SCRIB: variants seen among roughly 807,000 people sequenced by gnomAD.
The protein encoded by SCRIB is scribble planar cell polarity protein.
Under a neutral mutation model 170.0 loss-of-function variants are expected in SCRIB, and 72 were observed. That is an observed-to-expected ratio of 0.42 (90% CI 0.35 to 0.52). The LOEUF (loss-of-function observed/expected upper bound fraction) is 0.52, where lower values mean the gene tolerates loss of function less well. SCRIB is among the 20% of genes least tolerant of loss of function. The probability of loss-of-function intolerance (pLI) is 0.02; values close to 1 mark genes in which losing one functional copy is unlikely to be tolerated. For synonymous variants in SCRIB, 1,298 were observed against 1,044.3 expected (o/e 1.24, Z -4.68); for missense variants, 2,475 against 2,338.5 (o/e 1.06, Z -1.20).
intron 17 of SCRIB, 148 bp downstream of exon 17, chr8:143,806,776 G>A (rs1371911080): frequency 4.4e-5 from 29 of 662,958 alleles, no homozygotes; most frequent in Non-Finnish European, 6.6e-5. Context: ...CTTGGACTTC[G>A]GGATCCCACA....
chr8:143,812,998 C>G, intron 7 of SCRIB, 32 bp downstream of exon 7: 21 of 1,610,574 alleles, frequency 1.3e-5, no homozygotes, highest in Non-Finnish European at 1.7e-5. Context: ...CGGATGGGCA[C>G]GAAGCAGGGG....
In SCRIB at chr8:143,791,549, A is replaced by AG. The variant is rs71318627; in HGVS notation, c.4771-110dup. 2.0e-4 allele frequency: 317 copies of AG among 1,556,568 alleles called. 1 individual carries two copies. Among genetic ancestry groups the AG allele is most frequent in the Middle Eastern group, 8.6e-4 (5 of 5,812 alleles). On this transcript the variant is annotated intron_variant, in intron 35 of 36. Transcript: ENST00000356994. ...GCCCACAGAGCCCGGCTGAAGGGGG[A>AG]GGGGGGGTGAAGAGGCAGGGCCACG...
intron 14 of SCRIB, 85 bp from the exon 15 acceptor site, chr8:143,809,110 CG>C (rs1815580236): frequency 1.4e-6 from 2 of 1,475,552 alleles, no homozygotes; most frequent in Admixed American, 2.3e-5. Context: ...TGGCCACAGA[CG>C]GGCTCCGAAA....
chr8:143,811,437 G>A (rs1458166888), intron 9 of SCRIB, 92 bp from the exon 10 acceptor site: 1 of 1,175,722 alleles, frequency 8.5e-7, no homozygotes, highest in Non-Finnish European at 1.2e-6. Flanking sequence ...AGACACCCCA[G>A]GCCAGCTCCA....
intron 24 of SCRIB, among the ~76,000 whole-genome samples, chr8:143,799,905 G>C (rs530185428): frequency 6.6e-6 from 1 of 152,096 alleles, no homozygotes; most frequent in East Asian, 1.9e-4. Flanking sequence ...AGATGGGCTC[G>C]CACAGTGAGA....
intron 4 of SCRIB, 35 bp from the exon 5 acceptor site, chr8:143,813,561 G>C: frequency 6.2e-7 from 1 of 1,613,152 alleles, no homozygotes; most frequent in Non-Finnish European, 8.5e-7. Context: ...GCAAGAGGAA[G>C]GAAAGCAGTG....
In SCRIB at chr8:143,803,443, G is replaced by A. The variant is rs536818456; in HGVS notation, c.3543C>T (p.Gly1181=). Residue 1181 remains glycine, a synonymous_variant, in exon 24 of 37, where the codon GGC becomes GGT. Coordinates refer to ENST00000356994, the MANE Select transcript of SCRIB (RefSeq NM_182706.5). ...GEAVQLLRSV[G]DTLTVLVCDG... ...CACAGACCAGCACGGTGAGGGTGTC[G>A]CCCACACTGCGGAGCAGCTGCACCG... 114 of 1,596,756 alleles carry A rather than the reference G, an allele frequency of 7.1e-5. 1 individual carries two copies. The highest frequency in any genetic ancestry group is 1.9e-4 in the South Asian group (17 of 90,248).
Position 143,806,990 on chromosome 8 carries a change from C to G in SCRIB, c.2202G>C (p.Gln734His), listed in dbSNP as rs1815457227. Residue 734 changes from glutamine (Q) to histidine (H), a missense_variant, in exon 17 of 37, where the codon CAG becomes CAC. By Grantham distance (24) the Gln-to-His change is conservative. This residue lies in a region of SCRIB where 1,966 missense variants were observed against 1,742.9 expected (regional missense o/e 1.13). Transcript: ENST00000356994. ...CAATGCTGATGCCCAGGCCCCCAGT[C>G]TGCCGCAGGATAGTGAGGGTCAGCT... ...EEELTLTILR[Q>H]TGGLGISIAG... 2 of 1,613,146 alleles carry G rather than the reference C, an allele frequency of 1.2e-6. No homozygotes were observed. The highest frequency in any genetic ancestry group is 3.3e-5 in the Admixed American group (2 of 59,950).
In SCRIB at chr8:143,804,109, G is replaced by A. The variant is rs782071220; in HGVS notation, c.3057C>T (p.Val1019=). Residue 1019 remains valine, a synonymous_variant, in exon 22 of 37, where the codon GTC becomes GTT. Transcript: ENST00000356994. ...GGTGGCTGGAATGGTCGGAGCCTCCGACAATACTAAGCCCCAGAGGGCCCC... is the reference window on the plus strand; with the variant it reads ...GGTGGCTGGAATGGTCGGAGCCTCCAACAATACTAAGCCCCAGAGGGCCCC... ...RAGGPLGLSI[V]GGSDHSSHPF... is the part of the protein sequence containing the mutation. The A allele has an allele frequency of 8.7e-6, 14 of 1,612,748 alleles. No homozygotes were observed. The highest frequency in any genetic ancestry group is 7.7e-5 in the South Asian group (7 of 90,946).
At position 143,813,848 on chromosome 8, in the gene SCRIB, A is replaced by G; in HGVS notation, c.326T>C (p.Ile109Thr). 1 of 1,610,014 alleles carries G rather than the reference A, an allele frequency of 6.2e-7. No homozygotes were observed. Among genetic ancestry groups the G allele is most frequent in the Admixed American group, 1.7e-5 (1 of 59,868 alleles). ...ESIKFCKALE[I>T]ADFSGNPLSR... ...GAGGGGGTTCCCGCTGAAGTCCGCG[A>G]TCTCCAGAGCCTTGCAGAACTTGAT... Residue 109 changes from isoleucine to threonine, a missense_variant, in exon 3 of 37, where the codon ATC becomes ACC. Coordinates refer to ENST00000356994, the MANE Select transcript of SCRIB (RefSeq NM_182706.5).
chr8:143,797,557 C>T (rs1262054484), intron 24 of SCRIB, among the ~76,000 whole-genome samples: 1 of 152,238 alleles, frequency 6.6e-6, no homozygotes, highest in Non-Finnish European at 1.5e-5. Flanking sequence ...GCAGGAGTAA[C>T]TGCAGGGGGA....
chr8:143,799,001 T>C (rs1554634576), intron 24 of SCRIB, among the ~76,000 whole-genome samples: 1 of 152,188 alleles, frequency 6.6e-6, no homozygotes. Context: ...GGGAACGCTG[T>C]GTTGAAACCC....
intron 8 of SCRIB, 82 bp from the exon 9 acceptor site, chr8:143,812,466 G>A (rs1244405979): frequency 2.7e-6 from 3 of 1,097,812 alleles, no homozygotes; most frequent in South Asian, 1.2e-5. Flanking sequence ...CGCCCTCAAG[G>A]CAGACAGCAA....
rs1365217517 is a variant in SCRIB, at chr8:143,814,798, G to A, written c.159+416C>T. On this transcript the variant is annotated intron_variant, in intron 1 of 36. Transcript: ENST00000356994. ...AGGGGGACAGCGAACAGATCCGAGAGCAAAGAGTACATCAAGAGGGCTCCC... is the reference window on the plus strand; with the variant it reads ...AGGGGGACAGCGAACAGATCCGAGAACAAAGAGTACATCAAGAGGGCTCCC... 4 of 193,316 alleles carry A rather than the reference G, an allele frequency of 2.1e-5. No individual in the cohort carries two copies. The East Asian group carries it at 3.8e-4, about 18-fold the overall frequency. 12.0% of individuals were successfully genotyped at this position (193,316 alleles called of 1,614,324 possible). A position where few individuals can be genotyped will look rare whatever the true frequency, so the allele number is the denominator to read the frequency against.
rs778930856 is a variant in SCRIB, at chr8:143,811,012, C to G, written c.1167G>C (p.Glu389Asp). ...HLNLKALWLA[E>D]NQAQPMLRFQ... ...ACCGGAGCATGGGCTGCGCCTGGTTCTCTGCCAGCCACAGGGCCTTGAGAT... is the reference window on the plus strand; with the variant it reads ...ACCGGAGCATGGGCTGCGCCTGGTTGTCTGCCAGCCACAGGGCCTTGAGAT... The change falls in exon 11 of 37, where the codon GAG becomes GAC. Residue 389 changes from glutamate (E) to aspartate (D), a missense_variant. By Grantham distance (45) the Glu-to-Asp change is conservative. Coordinates refer to ENST00000356994, the MANE Select transcript of SCRIB (RefSeq NM_182706.5). 1.9e-6 allele frequency: 3 copies of G among 1,611,572 alleles called. No individual in the cohort carries two copies. Among genetic ancestry groups the G allele is most frequent in the Non-Finnish European group, 2.5e-6 (3 of 1,179,430 alleles).
At chr8:143,804,481 C>T (rs543034050) in intron 21 of SCRIB, 87 bp downstream of exon 21, 14 of 1,371,652 alleles carry the variant, frequency 1.0e-5, no homozygotes, top group Non-Finnish European at 1.3e-5. Context: ...TGGAGTGGGC[C>T]GCAAGGCCAT....
chr8:143,794,724 G>A (rs1554633726), intron 27 of SCRIB, among the ~76,000 whole-genome samples: 1 of 151,974 alleles, frequency 6.6e-6, no homozygotes. Context: ...GCCCCCACTC[G>A]CACCCTCTGG....
rs747102185 is a variant in SCRIB at position 143,810,490 on chromosome 8, G to A, written c.1519C>T (p.Pro507Ser). The A allele has an allele frequency of 1.2e-6, 2 of 1,609,016 alleles. No individual in the cohort carries two copies. The highest frequency in any genetic ancestry group is 1.1e-5 in the South Asian group (1 of 91,042). Residue 507 changes from proline to serine, a missense_variant, in exon 13 of 37, where the codon CCT (proline) becomes TCT (serine). By Grantham distance (74) the Pro-to-Ser change is moderately conservative (BLOSUM62 -1). Transcript: ENST00000356994. ...GGCTCCATGCCCACCTCCTCTGCAG[G>A]CAAGGGCGACCCAGAGTCTGGCTGG... is the stretch of plus-strand genomic sequence containing the variant. ...PCQPDSGSPL[P>S]AEEEKRLSAE... is the part of the protein sequence containing the mutation.
chr8:143,793,780 C>A (rs1027630440), intron 28 of SCRIB, 120 bp downstream of exon 28: 1 of 994,120 alleles, frequency 1.0e-6, no homozygotes, highest in South Asian at 1.5e-5. Context: ...AAACCGGAGT[C>A]AACAGCACCC....
Sources: gnomAD v4.1 joint callset for allele counts (sites outside exome capture counted in the v4.1 genomes callset) on GRCh38, gnomAD v4.1.1 for gene constraint, gnomAD v4.1.1 regional missense constraint, MANE v1.5 for transcripts, NCBI Gene and HGNC (gene_info 2026-07-23, HGNC 2026-07-21) for gene names.